The following MIPOL1 variants were observed in gnomAD, a reference collection of about 807,000 sequenced individuals.
MIPOL1 encodes mirror-image polydactyly gene 1 protein.
Under a neutral mutation model 60.9 loss-of-function variants are expected in MIPOL1, and 57 were observed. That is an observed-to-expected ratio of 0.94 (90% CI 0.76 to 1.17). MIPOL1 has a LOEUF of 1.17. Among genes scored for constraint, MIPOL1 ranks in the 50% most tolerant of loss-of-function variants. The pLI is 0.00. For missense variants in MIPOL1, 551 were observed against 511.6 expected (o/e 1.08, Z -0.74); for synonymous variants, 179 against 168.8 (o/e 1.06, Z -0.47).
intron 11 of MIPOL1, among the ~76,000 whole-genome samples, chr14:37,489,144 CTTTG>C (rs749101018): frequency 6.6e-6 from 1 of 152,102 alleles, no homozygotes. Context: ...ATCTTGGAGG[CTTTG>C]TTTGTTCCTT....
At chr14:37,466,197 G>T (rs574947370) in intron 11 of MIPOL1, among the ~76,000 whole-genome samples, 10 of 152,192 alleles carry the variant, frequency 6.6e-5, no homozygotes, top group Admixed American at 3.9e-4. Context: ...AAAGTGAAAG[G>T]GGTTGGGTTG....
intron 3 of MIPOL1, among the ~76,000 whole-genome samples, chr14:37,261,323 T>A (rs1423098438): frequency 2.0e-5 from 3 of 151,992 alleles, no homozygotes; most frequent in Admixed American, 6.6e-5. Context: ...TACATTAGTA[T>A]TTCTGAGAGA....
intron 9 of MIPOL1, among the ~76,000 whole-genome samples, chr14:37,348,841 T>G (rs936651549): frequency 6.7e-6 from 1 of 149,416 alleles, no homozygotes; most frequent in Non-Finnish European, 1.5e-5. Flanking sequence ...TTTTTTTTTT[T>G]TTTTTGGACA....
chr14:37,435,994 A>G lies in MIPOL1; in HGVS notation c.1031+13045A>G, dbSNP rs115176974. ...TGCTTTACAAAAGGCAGGATTTATA[A>G]GGGAATTAAATTCCAGAGTAGACTT... On this transcript the variant is annotated intron_variant, in intron 11 of 12. Coordinates refer to ENST00000684589, the MANE Select transcript of MIPOL1 (RefSeq NM_001388067.1). Among the ~76,000 whole-genome samples, 258 of 152,306 alleles carry G rather than the reference A, an allele frequency of 1.7e-3. 1 individual carries two copies. The highest frequency in any genetic ancestry group is 5.9e-3 in the African/African-American group (244 of 41,594).
chr14:37,320,843 A>T (rs1449015071), intron 9 of MIPOL1, among the ~76,000 whole-genome samples: 1 of 152,066 alleles, frequency 6.6e-6, no homozygotes, highest in African/African-American at 2.4e-5. Context: ...CATGCAATTA[A>T]TGAATTGTGT....
chr14:37,463,662 T>G (rs952167068), intron 11 of MIPOL1, among the ~76,000 whole-genome samples: 1 of 151,980 alleles, frequency 6.6e-6, no homozygotes, highest in Non-Finnish European at 1.5e-5. Flanking sequence ...AATCCTACAG[T>G]AAAACTCAGA....
chr14:37,501,767 C>T (rs796460128), intron 12 of MIPOL1: 13 of 152,258 alleles, frequency 8.5e-5, no homozygotes, highest in African/African-American at 2.6e-4. Flanking sequence ...TGCAGCCCAC[C>T]GAGGGTGAGC....
At chr14:37,444,915 G>T (rs1274149651) in intron 11 of MIPOL1, among the ~76,000 whole-genome samples, 10 of 152,100 alleles carry the variant, frequency 6.6e-5, no homozygotes, top group Non-Finnish European at 1.0e-4. Context: ...CAGTATTGAT[G>T]GGATGTATCT....
intron 1 of MIPOL1, among the ~76,000 whole-genome samples, chr14:37,241,593 T>C (rs374785976): frequency 7.2e-4 from 4 of 5,580 alleles, no homozygotes; most frequent in Non-Finnish European, 1.4e-3. Context: ...GGGGTGGGGG[T>C]GGGGAGGTGG....
At chr14:37,321,864 A>G (rs2088612454) in intron 9 of MIPOL1, among the ~76,000 whole-genome samples, 1 of 151,912 alleles carries the variant, frequency 6.6e-6, no homozygotes, top group Non-Finnish European at 1.5e-5. Flanking sequence ...ATGTCTACTT[A>G]TATATCTGAA....
chr14:37,467,265 A>C (rs2153586177), intron 11 of MIPOL1, among the ~76,000 whole-genome samples: 1 of 152,342 alleles, frequency 6.6e-6, no homozygotes, highest in Admixed American at 6.5e-5. Flanking sequence ...ATTGTACAGA[A>C]AAACTGCTGA....
chr14:37,416,241 T>C (rs1247448489), intron 10 of MIPOL1, among the ~76,000 whole-genome samples: 1 of 152,216 alleles, frequency 6.6e-6, no homozygotes, highest in Admixed American at 6.5e-5. Context: ...TAAAATGTAT[T>C]CTCTTTTTAC....
chr14:37,308,540 A>G lies in MIPOL1; in HGVS notation c.828+21A>G, dbSNP rs1224164390. 4 of 1,502,716 alleles carry G rather than the reference A, an allele frequency of 2.7e-6. No individual in the cohort carries two copies. The African/African-American group carries it at 4.2e-5, about 16-fold the overall frequency. The allele number at this position is 1,502,716 out of a possible 1,614,324, so 93.1% of individuals were successfully genotyped here. On this transcript the variant is annotated intron_variant, in intron 9 of 12. Coordinates refer to ENST00000684589, the MANE Select transcript of MIPOL1 (RefSeq NM_001388067.1). ...CTAAGGTAACTCTGCATATATCTGT[A>G]AAAGCATATACTTACCATTTTCCTC...
chr14:37,201,207 T>C (rs1965285527), intron 1 of MIPOL1, among the ~76,000 whole-genome samples: 1 of 152,084 alleles, frequency 6.6e-6, no homozygotes, highest in African/African-American at 2.4e-5. Context: ...ACCTGGCCAG[T>C]ATTGTAAAGC....
Position 37,285,444 on chromosome 14 carries a change from A to C in MIPOL1, c.620A>C (p.Lys207Thr). 6.2e-7 allele frequency: 1 copy of C among 1,613,942 alleles called. No individual in the cohort carries two copies. The highest frequency in any genetic ancestry group is 1.3e-5 in the African/African-American group (1 of 75,040). ...GCCAAGCATATGGAAATGTCTCTAAAAGTGTATGTACACATTTAAAACTCA... is the reference window on the plus strand; with the variant it reads ...GCCAAGCATATGGAAATGTCTCTAACAGTGTATGTACACATTTAAAACTCA... Reference protein sequence around the residue: ...ARAKHMEMSLKVLENINPEEN... With the variant: ...ARAKHMEMSLTVLENINPEEN... Residue 207 changes from lysine (K) to threonine (T), a missense_variant, in exon 7 of 13, where the codon AAA becomes ACA. Lys to Thr is a moderately conservative substitution (Grantham distance 78). Coordinates refer to ENST00000684589, the MANE Select transcript of MIPOL1 (RefSeq NM_001388067.1).
intron 9 of MIPOL1, among the ~76,000 whole-genome samples, chr14:37,341,978 A>C (rs1278628121): frequency 6.6e-6 from 1 of 152,206 alleles, no homozygotes; most frequent in African/African-American, 2.4e-5. Flanking sequence ...CATAAGGCAC[A>C]CATCAAGATT....
intron 1 of MIPOL1, among the ~76,000 whole-genome samples, chr14:37,234,080 G>C (rs554400604): frequency 1.5e-4 from 23 of 152,142 alleles, no homozygotes; most frequent in African/African-American, 5.6e-4. Flanking sequence ...TCCATTGAAA[G>C]CTCTGCTGTT....
chr14:37,255,847 A>G (rs8007653), intron 3 of MIPOL1, among the ~76,000 whole-genome samples: 33,312 of 150,912 alleles, frequency 0.22, 4,132 homozygotes, highest in South Asian at 0.35. Flanking sequence ...TTGTATTTAA[A>G]CTTTTATATT....
chr14:37,479,482 A>G (rs1187463809), intron 11 of MIPOL1, among the ~76,000 whole-genome samples: 1 of 152,184 alleles, frequency 6.6e-6, no homozygotes, highest in African/African-American at 2.4e-5. Context: ...ATTTAAAAAT[A>G]TCTTGAGACA....
Sources: allele counts gnomAD v4.1 joint callset (sites outside exome capture counted in the v4.1 genomes callset), GRCh38; gene constraint gnomAD v4.1.1; transcripts MANE v1.5; gene names NCBI Gene and HGNC (gene_info 2026-07-23, HGNC 2026-07-21).